POGZ: variants seen among roughly 807,000 people sequenced by gnomAD.
The protein encoded by POGZ is pogo transposable element with ZNF domain.
Under a neutral mutation model 134.6 loss-of-function variants are expected in POGZ, and 17 were observed. The observed-to-expected ratio is 0.13, with a 90% confidence interval of 0.09 to 0.19. The LOEUF (loss-of-function observed/expected upper bound fraction) is 0.19, where lower values mean the gene tolerates loss of function less well. Ranked by LOEUF, POGZ falls within the 10% of genes least tolerant of loss-of-function variation. The probability of loss-of-function intolerance (pLI) is 1.00; values close to 1 mark genes in which losing one functional copy is unlikely to be tolerated. For synonymous variants in POGZ, 693 were observed against 657.1 expected (o/e 1.05, Z -0.84); for missense variants, 1,306 against 1,769.7 (o/e 0.74, Z 4.70).
intron 10 of POGZ, among the ~76,000 whole-genome samples, chr1:151,412,911 A>G (rs552445104): frequency 2.6e-5 from 4 of 152,186 alleles, no homozygotes; most frequent in African/African-American, 7.2e-5. Flanking sequence ...GAAATTGTCC[A>G]TTTTGTCAAG....
chr1:151,427,093 T>G (rs1193376871), intron 7 of POGZ: 17 of 147,778 alleles, frequency 1.2e-4, no homozygotes, highest in Admixed American at 1.1e-3. Context: ...TTTTTTTTTG[T>G]AGAGATGGGA....
At chr1:151,435,552 A>G (rs932259425) in intron 3 of POGZ, among the ~76,000 whole-genome samples, 6 of 151,682 alleles carry the variant, frequency 4.0e-5, no homozygotes, top group Middle Eastern at 3.4e-3. Context: ...GAGTGCAGTA[A>G]CGTGATCTCA....
Position 151,414,045 on chromosome 1 carries a change from C to A in POGZ, c.1679-1649G>T, listed in dbSNP as rs576788819. On this transcript the variant is annotated intron_variant, in intron 10 of 18. Transcript: ENST00000271715. ...CAACTCCATTTAGAAACACTGTCTA[C>A]AGGTACATTAGGTGCTATGAGGACA... is the stretch of plus-strand genomic sequence containing the variant. 6.6e-5 allele frequency among the ~76,000 whole-genome samples: 10 copies of A among 152,210 alleles called. No homozygotes were observed. In the South Asian group the frequency reaches 2.1e-3, roughly 32 times the overall value.
intron 11 of POGZ, among the ~76,000 whole-genome samples, chr1:151,412,005 C>G (rs1228729996): frequency 1.3e-5 from 2 of 152,104 alleles, no homozygotes; most frequent in Non-Finnish European, 2.9e-5. Flanking sequence ...TGTTCTCTAA[C>G]TAAGAAAAAT....
intron 10 of POGZ, among the ~76,000 whole-genome samples, chr1:151,422,209 C>T (rs1194130562): frequency 4.6e-5 from 7 of 152,274 alleles, no homozygotes; most frequent in Admixed American, 6.5e-5. Flanking sequence ...AATTTAAGCA[C>T]GACTTTCTTG....
At chr1:151,443,842 G>C (rs1311316278) in intron 1 of POGZ, among the ~76,000 whole-genome samples, 2 of 152,190 alleles carry the variant, frequency 1.3e-5, no homozygotes, top group African/African-American at 4.8e-5. Context: ...GTTGGAACGG[G>C]AGTACTATTA....
chr1:151,458,603 C>A (rs1197706918), intron 1 of POGZ, among the ~76,000 whole-genome samples: 4 of 148,246 alleles, frequency 2.7e-5, no homozygotes, highest in South Asian at 2.1e-4. Flanking sequence ...GGGGCCGCTC[C>A]GCCGCCGCCC....
At position 151,406,125 on chromosome 1, in the gene POGZ, C is replaced by T. The variant is rs199647621; in HGVS notation, c.2910G>A (p.Lys970=). ...GGGGSGGVGK[K]EQLSVKKLRV... ...GAAGCTTCTTCACAGACAGCTGCTC[C>T]TTTTTGCCAACTCCACCACTACCAC... The change falls in exon 19 of 19, where the codon AAG becomes AAA. Residue 970 remains lysine (K), a synonymous_variant. Transcript: ENST00000271715. 7 of 1,614,090 alleles carry T rather than the reference C, an allele frequency of 4.3e-6. No homozygotes were observed. The highest frequency in any genetic ancestry group is 5.9e-6 in the Non-Finnish European group (7 of 1,180,048).
At chr1:151,449,242 A>G (rs1178201932) in intron 1 of POGZ, among the ~76,000 whole-genome samples, 1 of 152,234 alleles carries the variant, frequency 6.6e-6, no homozygotes. Context: ...AGGGAACCCT[A>G]GTTCATAAAA....
chr1:151,455,894 CTTTTTTTT>C (rs768038263), intron 1 of POGZ, among the ~76,000 whole-genome samples: 6 of 117,566 alleles, frequency 5.1e-5, no homozygotes, highest in African/African-American at 1.6e-4. Context: ...TAGTTTCTTT[CTTTTTTTT>C]TTTTTTTTTT....
intron 10 of POGZ, among the ~76,000 whole-genome samples, chr1:151,419,688 A>AAAAC (rs1304768068): frequency 6.7e-6 from 1 of 149,228 alleles, no homozygotes; most frequent in Non-Finnish European, 1.5e-5. Context: ...AAAAAAAAAA[A>AAAAC]AAAAAAACTA....
chr1:151,424,202 G>T lies in POGZ; in HGVS notation c.1270C>A (p.Pro424Thr). ...ACAGGAGCTGTTTTCTCAGGGGATG[G>T]GGGCTTTGCTGCTGATGGGACACTG... is the stretch of plus-strand genomic sequence containing the variant. ...EPSVPSAAKP[P>T]SPEKTAPVAS... The change falls in exon 9 of 19, where the codon CCA (proline) becomes ACA (threonine). Residue 424 changes from proline to threonine, a missense_variant. By Grantham distance (38) the Pro-to-Thr change is conservative. This residue lies in a region of POGZ where 541 missense variants were observed against 680.5 expected (regional missense o/e 0.80). Coordinates refer to ENST00000271715, the MANE Select transcript of POGZ (RefSeq NM_015100.4). 1.9e-6 allele frequency: 3 copies of T among 1,614,018 alleles called. No homozygotes were observed. The highest frequency in any genetic ancestry group is 2.5e-6 in the Non-Finnish European group (3 of 1,179,924).
intron 7 of POGZ, chr1:151,426,550 C>A (rs1657817376): frequency 6.6e-6 from 1 of 152,068 alleles, no homozygotes; most frequent in African/African-American, 2.4e-5. Flanking sequence ...TGCACAAATT[C>A]TTTATATATT....
chr1:151,435,738 G>C (rs1186696750), intron 3 of POGZ, among the ~76,000 whole-genome samples: 1 of 151,774 alleles, frequency 6.6e-6, no homozygotes, highest in Non-Finnish European at 1.5e-5. Context: ...CAAATGTTCT[G>C]CTCACCTCGG....
chr1:151,429,444 T>C, intron 5 of POGZ, 159 bp downstream of exon 5: 1 of 422,782 alleles, frequency 2.4e-6, no homozygotes, highest in Non-Finnish European at 4.2e-6. Flanking sequence ...GGCCAAAGGT[T>C]AGAAGCAGAT....
At position 151,428,337 on chromosome 1, in the gene POGZ, G is replaced by A. The variant is rs749832726; in HGVS notation, c.645C>T (p.Gly215=). 6.2e-7 allele frequency: 1 copy of A among 1,614,088 alleles called. No homozygotes were observed. Among genetic ancestry groups the A allele is most frequent in the East Asian group, 2.2e-5 (1 of 44,882 alleles). ...TGGTGGGCCTCACAGGCATTGTGGA[G>A]CCTGGCCTCACAGGGGTCATCTGGG... is the stretch of plus-strand genomic sequence containing the variant. ...VFSQMTPVRP[G]STMPVRPTTN... is the part of the protein sequence containing the mutation. Residue 215 remains glycine (G), a synonymous_variant, in exon 6 of 19, where the codon GGC becomes GGT. Transcript: ENST00000271715.
Position 151,406,609 on chromosome 1 carries a change from T to C in POGZ, c.2568A>G (p.Ser856=). 2.5e-6 allele frequency: 4 copies of C among 1,610,764 alleles called. No homozygotes were observed. Among genetic ancestry groups the C allele is most frequent in the Non-Finnish European group, 2.5e-6 (3 of 1,179,142 alleles). ...ATTGTGAGGTGAGTTTTTGTTACCTTGAGTGAGCTATCCAAGTGAGTCCTA... is the reference window on the plus strand; with the variant it reads ...ATTGTGAGGTGAGTTTTTGTTACCTCGAGTGAGCTATCCAAGTGAGTCCTA... ...LPRGLTWIAH[S]RHGQTRDRVH... The change falls in exon 18 of 19, where the codon TCA becomes TCG. Residue 856 remains serine, a splice_region_variant and synonymous_variant. Coordinates refer to ENST00000271715, the MANE Select transcript of POGZ (RefSeq NM_015100.4).
chr1:151,424,131 A>G lies in POGZ; in HGVS notation c.1341T>C (p.Pro447=), dbSNP rs1413477759. ...SSTPIPALSP[P]TKVPEPNENV... is the part of the protein sequence containing the mutation. Reference sequence around the variant, plus strand: ...TCTCATTTGGTTCTGGTACTTTGGTAGGCGGTGACAGAGCAGGAATAGGTG... The same window carrying G: ...TCTCATTTGGTTCTGGTACTTTGGTGGGCGGTGACAGAGCAGGAATAGGTG... Residue 447 remains proline, a synonymous_variant, in exon 9 of 19, where the codon CCT becomes CCC. Transcript: ENST00000271715. The G allele has an allele frequency of 3.1e-6, 5 of 1,614,032 alleles. No homozygotes were observed. In the South Asian group the frequency reaches 5.5e-5, roughly 18 times the overall value.
At chr1:151,421,701 C>A (rs1049138289) in intron 10 of POGZ, among the ~76,000 whole-genome samples, 2 of 152,192 alleles carry the variant, frequency 1.3e-5, no homozygotes, top group African/African-American at 4.8e-5. Flanking sequence ...AAATTCTAGG[C>A]TGAAGCATCC....
Sources: allele counts gnomAD v4.1 joint callset (sites outside exome capture counted in the v4.1 genomes callset), GRCh38; gene constraint gnomAD v4.1.1; regional missense constraint gnomAD v4.1.1; transcripts MANE v1.5; gene names NCBI Gene and HGNC (gene_info 2026-07-23, HGNC 2026-07-21).